The following SMARCA2 variants were observed in gnomAD, a reference collection of about 807,000 sequenced individuals.
SMARCA2 encodes the protein SWI/SNF-related matrix-associated actin-dependent regulator of chromatin subfamily A member 2.
A neutral mutation model predicts 199.8 loss-of-function variants in SMARCA2; 61 were observed. That is an observed-to-expected ratio of 0.31 (90% CI 0.25 to 0.38). SMARCA2 has a LOEUF of 0.38. Among genes scored for constraint, SMARCA2 ranks in the 10% least tolerant of loss-of-function variants. SMARCA2 has a pLI of 1.00. For synonymous variants in SMARCA2, 935 were observed against 732.0 expected (o/e 1.28, Z -4.48); for missense variants, 1,344 against 2,012.2 (o/e 0.67, Z 6.35).
At position 2,169,653 on chromosome 9, in the gene SMARCA2, T is replaced by A. The variant is rs552714794; in HGVS notation, c.4200-766T>A. ...GGCACAGGCTGTGAATCCCAAAGGG[T>A]GCTGTCTACACCTGGAGGGAGATCT... On this transcript the variant is annotated intron_variant, in intron 28 of 33. Coordinates refer to ENST00000349721, the MANE Select transcript of SMARCA2 (RefSeq NM_003070.5). The surrounding 1 kb of genome is among the most constrained non-coding windows in gnomAD (Gnocchi z 6.5). Among the ~76,000 whole-genome samples, 32 of 151,748 alleles carry A rather than the reference T, an allele frequency of 2.1e-4. No homozygotes were observed. The South Asian group carries it at 6.7e-3, about 32-fold the overall frequency.
At chr9:2,139,655 C>T (rs1044657831) in intron 27 of SMARCA2, among the ~76,000 whole-genome samples, 6 of 152,134 alleles carry the variant, frequency 3.9e-5, no homozygotes, top group African/African-American at 1.4e-4. Context: ...CCAATATAGT[C>T]GCTACTCCAG....
At chr9:2,142,108 G>C (rs1053725411) in intron 27 of SMARCA2, among the ~76,000 whole-genome samples, 2 of 152,126 alleles carry the variant, frequency 1.3e-5, no homozygotes, top group African/African-American at 4.8e-5. Flanking sequence ...TTCTCGAGAA[G>C]GTAGGGCCCT....
At chr9:2,159,524 T>G in intron 27 of SMARCA2, 1 of 258,008 alleles carries the variant, frequency 3.9e-6, no homozygotes, top group Non-Finnish European at 7.4e-6. Context: ...ATTTGAATAT[T>G]AATTTGTTTT....
chr9:2,108,521 A>T (rs1476282674), intron 23 of SMARCA2, among the ~76,000 whole-genome samples: 1 of 152,154 alleles, frequency 6.6e-6, no homozygotes, highest in Non-Finnish European at 1.5e-5. Flanking sequence ...GAGAGTATAG[A>T]TGTATAGTTT....
chr9:2,080,345 T>A (rs909574726), intron 14 of SMARCA2, among the ~76,000 whole-genome samples: 8 of 152,202 alleles, frequency 5.3e-5, no homozygotes, highest in Admixed American at 2.6e-4. Context: ...TCCCACAATT[T>A]TTGTGAATTT....
chr9:2,152,809 G>A (rs1332062606), intron 27 of SMARCA2, among the ~76,000 whole-genome samples: 2 of 139,598 alleles, frequency 1.4e-5, no homozygotes, highest in African/African-American at 5.4e-5. Flanking sequence ...CCAAGATCAC[G>A]CCACTGCACT....
intron 27 of SMARCA2, among the ~76,000 whole-genome samples, chr9:2,141,928 C>T (rs938121006): frequency 3.9e-5 from 6 of 152,086 alleles, no homozygotes; most frequent in African/African-American, 1.4e-4. Flanking sequence ...CTAGCTGGCC[C>T]GGGGAGGACT....
In SMARCA2 at chr9:2,193,301, CA is replaced by C. The variant is rs1828021146; in HGVS notation, c.*566del. On this transcript the variant is annotated 3_prime_UTR_variant, in exon 34 of 34. Transcript: ENST00000349721. Reference sequence around the variant, plus strand: ...TCCATTTTATGCTCTATGATCTGAACAAAAGCTTTTTGAATTGTATAAGATT... The same window carrying C: ...TCCATTTTATGCTCTATGATCTGAACAAAGCTTTTTGAATTGTATAAGATT... 6.6e-6 allele frequency: 1 copy of C among 152,594 alleles called. No homozygotes were observed. Among genetic ancestry groups the C allele is most frequent in the Non-Finnish European group, 1.5e-5 (1 of 68,054 alleles). 9.5% of individuals were successfully genotyped at this position (152,594 alleles called of 1,614,324 possible). A position where few individuals can be genotyped will look rare whatever the true frequency, so the allele number is the denominator to read the frequency against.
At position 2,026,981 on chromosome 9, in the gene SMARCA2, A is replaced by T. The variant is rs550922284; in HGVS notation, c.-36-2006A>T. Among the ~76,000 whole-genome samples the T allele has an allele frequency of 4.6e-5, 7 of 152,270 alleles. No homozygotes were observed. The South Asian group carries it at 1.5e-3, about 32-fold the overall frequency. The stretch of plus-strand genomic sequence containing the variant: ...GAAGCCACTTGTACTGGGTTCCCTT[A>T]GTCCTGTTTTGATCCCCTGCTTATG... On this transcript the variant is annotated intron_variant, in intron 1 of 33. Transcript: ENST00000349721.
In SMARCA2 at chr9:2,081,824, C is replaced by G. The variant is rs773194189; in HGVS notation, c.2185-8C>G. On this transcript the variant is annotated splice_polypyrimidine_tract_variant and splice_region_variant and intron_variant, in intron 14 of 33. Coordinates refer to ENST00000349721, the MANE Select transcript of SMARCA2 (RefSeq NM_003070.5). ...TTGGATAATTGAAGCAATTACTCTT[C>G]ATTTCAGCTCCAGGGCCTGGAATGG... 6 of 1,613,164 alleles carry G rather than the reference C, an allele frequency of 3.7e-6. No homozygotes were observed. The Admixed American group carries it at 5.0e-5, about 13-fold the overall frequency.
At chr9:2,118,152 C>T (rs1437211108) in intron 25 of SMARCA2, among the ~76,000 whole-genome samples, 6 of 152,054 alleles carry the variant, frequency 3.9e-5, no homozygotes, top group Non-Finnish European at 5.9e-5. Context: ...AGAAAGTAGG[C>T]GAAGCGGGAC....
chr9:2,020,477 T>C (rs1818551877), intron 1 of SMARCA2, among the ~76,000 whole-genome samples: 1 of 152,198 alleles, frequency 6.6e-6, no homozygotes, highest in Non-Finnish European at 1.5e-5. Flanking sequence ...ATTTTTTCTA[T>C]ATAGAAACTT....
intron 6 of SMARCA2, among the ~76,000 whole-genome samples, chr9:2,055,419 G>C (rs372333577): frequency 1.3e-5 from 2 of 152,336 alleles, no homozygotes; most frequent in African/African-American, 2.4e-5. Flanking sequence ...GGACTGAAAA[G>C]GTTCAAGTTT....
intron 23 of SMARCA2, among the ~76,000 whole-genome samples, chr9:2,105,723 G>A (rs1356454409): frequency 4.6e-5 from 7 of 152,038 alleles, no homozygotes; most frequent in Admixed American, 3.3e-4. Flanking sequence ...TGGAAAATTC[G>A]GCACTCTTCT....
At chr9:2,177,775 C>A (rs1205762137) in intron 29 of SMARCA2, among the ~76,000 whole-genome samples, 1 of 152,164 alleles carries the variant, frequency 6.6e-6, no homozygotes, top group Non-Finnish European at 1.5e-5. Flanking sequence ...TGGTCTCGAA[C>A]TCCTGACCTC....
chr9:2,183,793 AG>A (rs1827228124), intron 31 of SMARCA2, among the ~76,000 whole-genome samples: 1 of 152,246 alleles, frequency 6.6e-6, no homozygotes, highest in Non-Finnish European at 1.5e-5. Flanking sequence ...GCCAGGACAT[AG>A]AAAGTAGAAG....
At chr9:2,067,666 T>A (rs1228710375) in intron 9 of SMARCA2, among the ~76,000 whole-genome samples, 5 of 152,230 alleles carry the variant, frequency 3.3e-5, no homozygotes, top group African/African-American at 7.2e-5. Context: ...CTCAAGATCA[T>A]ACAGCTAAGA....
intron 28 of SMARCA2, among the ~76,000 whole-genome samples, chr9:2,162,394 T>C (rs1349307785): frequency 6.6e-6 from 1 of 152,232 alleles, no homozygotes; most frequent in Non-Finnish European, 1.5e-5. Flanking sequence ...ACTTGAATTA[T>C]CTCTTTCTTC....
chr9:2,020,020 G>A (rs1818532047), intron 1 of SMARCA2, among the ~76,000 whole-genome samples: 1 of 152,154 alleles, frequency 6.6e-6, no homozygotes, highest in Admixed American at 6.5e-5. Flanking sequence ...AGGAGTGTTG[G>A]TAGGACCTGA....
Sources: allele counts gnomAD v4.1 joint callset (sites outside exome capture counted in the v4.1 genomes callset), GRCh38; gene constraint gnomAD v4.1.1; non-coding constraint Gnocchi (gnomAD v3.1); transcripts MANE v1.5; gene names NCBI Gene and HGNC (gene_info 2026-07-23, HGNC 2026-07-21).